The following CALCR variants were observed in gnomAD, a reference collection of about 807,000 sequenced individuals.
CALCR encodes the protein calcitonin receptor.
Under a neutral mutation model 59.5 loss-of-function variants are expected in CALCR, and 47 were observed. The ratio of observed to expected loss-of-function variants is 0.79; its 90% confidence interval spans 0.63 to 1.01. The LOEUF is 1.01. Ranked by LOEUF, CALCR falls within the 50% of genes least tolerant of loss-of-function variation. The pLI is 0.00. For synonymous variants in CALCR, 213 were observed against 211.3 expected (o/e 1.01, Z -0.07); for missense variants, 566 against 597.1 (o/e 0.95, Z 0.54).
intron 2 of CALCR, among the ~76,000 whole-genome samples, chr7:93,495,323 C>T (rs1247213219): frequency 6.6e-6 from 1 of 151,392 alleles, no homozygotes; most frequent in Non-Finnish European, 1.5e-5. Flanking sequence ...GAATTACCAT[C>T]TCCATAGCAA....
chr7:93,567,460 C>T (rs1789889887), intron 2 of CALCR, among the ~76,000 whole-genome samples: 1 of 151,968 alleles, frequency 6.6e-6, no homozygotes, highest in Non-Finnish European at 1.5e-5. Flanking sequence ...ATTAAACCAC[C>T]ATAAAACAAG....
At chr7:93,480,348 G>A (rs939072720) in intron 3 of CALCR, among the ~76,000 whole-genome samples, 5 of 151,692 alleles carry the variant, frequency 3.3e-5, no homozygotes, top group African/African-American at 4.8e-5. Context: ...TGGAATCTGC[G>A]AATTTTTAAT....
chr7:93,462,155 AT>A, intron 7 of CALCR: 1 of 1,055,214 alleles, frequency 9.5e-7, no homozygotes, highest in Non-Finnish European at 1.4e-6. Context: ...CTGTTAGAGC[AT>A]ATTTTAACTA....
chr7:93,435,889 G>T, intron 12 of CALCR, 63 bp downstream of exon 12: 1 of 736,450 alleles, frequency 1.4e-6, no homozygotes, highest in South Asian at 1.7e-5. Flanking sequence ...ATGGGCTTTA[G>T]AGTTAAAATC....
At chr7:93,542,886 C>A (rs1789180933) in intron 2 of CALCR, among the ~76,000 whole-genome samples, 1 of 151,970 alleles carries the variant, frequency 6.6e-6, no homozygotes, top group South Asian at 2.1e-4. Flanking sequence ...ATGGAGTTGT[C>A]ATCTCCAATG....
chr7:93,550,286 T>G (rs1584625156), intron 2 of CALCR, among the ~76,000 whole-genome samples: 1 of 151,772 alleles, frequency 6.6e-6, no homozygotes, highest in South Asian at 2.1e-4. Flanking sequence ...GGTCAGGAGT[T>G]CGAGAGCAGC....
At chr7:93,563,995 G>A (rs1789803302) in intron 2 of CALCR, among the ~76,000 whole-genome samples, 1 of 152,130 alleles carries the variant, frequency 6.6e-6, no homozygotes, top group South Asian at 2.1e-4. Flanking sequence ...TAAGTACTAT[G>A]TGTTAGCTAT....
intron 7 of CALCR, among the ~76,000 whole-genome samples, chr7:93,463,514 T>C (rs1800382359): frequency 6.6e-6 from 1 of 151,978 alleles, no homozygotes; most frequent in African/African-American, 2.4e-5. Flanking sequence ...TCGAAGGTAT[T>C]GCAAATTTTT....
At chr7:93,533,540 C>T (rs1254184561) in intron 2 of CALCR, among the ~76,000 whole-genome samples, 1 of 151,846 alleles carries the variant, frequency 6.6e-6, no homozygotes, top group Non-Finnish European at 1.5e-5. Flanking sequence ...CTATTGGTTT[C>T]TGTGTTAATG....
chr7:93,533,215 A>T (rs1788893931), intron 2 of CALCR, among the ~76,000 whole-genome samples: 1 of 152,100 alleles, frequency 6.6e-6, no homozygotes, highest in Admixed American at 6.6e-5. Context: ...GTTACCAAGA[A>T]CATGTCGACA....
chr7:93,454,540 A>T (rs1800169498), intron 8 of CALCR, among the ~76,000 whole-genome samples: 1 of 151,978 alleles, frequency 6.6e-6, no homozygotes, highest in Non-Finnish European at 1.5e-5. Flanking sequence ...AGCTTCCTTT[A>T]GATGCAGCAA....
chr7:93,445,436 G>A (rs1250391189), intron 8 of CALCR, among the ~76,000 whole-genome samples: 1 of 151,996 alleles, frequency 6.6e-6, no homozygotes, highest in African/African-American at 2.4e-5. Context: ...AGAAGGAGAT[G>A]GGAAGAGAAC....
At chr7:93,556,525 C>G (rs928929679) in intron 2 of CALCR, among the ~76,000 whole-genome samples, 3 of 151,860 alleles carry the variant, frequency 2.0e-5, no homozygotes, top group African/African-American at 2.4e-5. Flanking sequence ...AAAGTTTTCC[C>G]TCATACCCAT....
intron 2 of CALCR, among the ~76,000 whole-genome samples, chr7:93,536,890 G>C (rs953815225): frequency 6.6e-6 from 1 of 151,724 alleles, no homozygotes; most frequent in Admixed American, 6.6e-5. Context: ...GAACTCAGCT[G>C]TAGTTACGTA....
chr7:93,507,256 G>A (rs1007943691), intron 2 of CALCR, among the ~76,000 whole-genome samples: 3 of 151,128 alleles, frequency 2.0e-5, no homozygotes, highest in East Asian at 3.9e-4. Flanking sequence ...ACACACACAC[G>A]AGTAAATAGA....
chr7:93,544,035 T>C (rs1789216607), intron 2 of CALCR, among the ~76,000 whole-genome samples: 1 of 151,930 alleles, frequency 6.6e-6, no homozygotes, highest in Admixed American at 6.6e-5. Context: ...GAATAGAAAT[T>C]GAAAAATTTG....
At chr7:93,527,625 T>A (rs1233859234) in intron 2 of CALCR, among the ~76,000 whole-genome samples, 1 of 152,192 alleles carries the variant, frequency 6.6e-6, no homozygotes, top group Non-Finnish European at 1.5e-5. Flanking sequence ...AATAACTGAC[T>A]GGTTCTAGAA....
chr7:93,488,582 G>GCAAAAAAAAA (rs770479251), intron 2 of CALCR, among the ~76,000 whole-genome samples: 3,499 of 77,638 alleles, frequency 0.045, 591 homozygotes, highest in Non-Finnish European at 0.058. Flanking sequence ...CAAATGGAAA[G>GCAAAAAAAAA]AAAAAAAAAA....
Position 93,530,925 on chromosome 7 carries a change from T to A in CALCR, c.-27+43364A>T, listed in dbSNP as rs1299266237. Among the ~76,000 whole-genome samples, 10 of 152,184 alleles carry A rather than the reference T, an allele frequency of 6.6e-5. No individual in the cohort carries two copies. The East Asian group carries it at 1.7e-3, about 27-fold the overall frequency. On this transcript the variant is annotated intron_variant, in intron 2 of 13. Transcript: ENST00000426151. ...TGTCAGAAATGCAAATTCTCTGGCA[T>A]CACTCCAGACCTACTGAACCAGAAA...
Sources: gnomAD v4.1 joint callset for allele counts (sites outside exome capture counted in the v4.1 genomes callset) on GRCh38, gnomAD v4.1.1 for gene constraint, MANE v1.5 for transcripts, NCBI Gene and HGNC (gene_info 2026-07-23, HGNC 2026-07-21) for gene names.